Variants in ZNF398 observed in about 807,000 individuals in gnomAD.
ZNF398 encodes the protein zinc finger protein 398, also known as zinc finger DNA binding protein ZER6.
ZNF398 carries 18 observed loss-of-function variants against 41.9 expected under a neutral mutation model. That is an observed-to-expected ratio of 0.43 (90% CI 0.30 to 0.64). ZNF398 has a LOEUF of 0.64. ZNF398 is among the 30% of genes least tolerant of loss of function. The pLI is 0.14. For missense variants in ZNF398, 669 were observed against 822.8 expected, an observed-to-expected ratio of 0.81 and a Z score of 2.29; for synonymous variants, 260 against 308.8, an observed-to-expected ratio of 0.84 and a Z score of 1.66.
chr7:149,144,852 G>T (rs1826900858), upstream of ZNF398, among the ~76,000 whole-genome samples: 14 of 152,256 alleles, frequency 9.2e-5, no homozygotes, highest in South Asian at 2.9e-3. Flanking sequence ...GCCTCCCAAA[G>T]TGCTGGGATT....
At chr7:149,164,680 A>G (rs909144111) in intron 2 of ZNF398, among the ~76,000 whole-genome samples, 1 of 152,248 alleles carries the variant, frequency 6.6e-6, no homozygotes, top group Non-Finnish European at 1.5e-5. Flanking sequence ...CCAAGGAAGA[A>G]GGTTGTAAAA....
chr7:149,170,262 C>T (rs981162881), intron 4 of ZNF398, among the ~76,000 whole-genome samples: 1 of 152,184 alleles, frequency 6.6e-6, no homozygotes, highest in African/African-American at 2.4e-5. Flanking sequence ...CGTGAACTCA[C>T]ACAAACTAGA....
chr7:149,149,802 C>T (rs1048909493), intron 1 of ZNF398, among the ~76,000 whole-genome samples: 1 of 152,092 alleles, frequency 6.6e-6, no homozygotes, highest in Non-Finnish European at 1.5e-5. Flanking sequence ...CCTGCCACTG[C>T]CCTCCAACCT....
intron 1 of ZNF398, among the ~76,000 whole-genome samples, chr7:149,152,604 T>C (rs1236010354): frequency 3.3e-5 from 5 of 151,176 alleles, no homozygotes; most frequent in Admixed American, 6.6e-5. Flanking sequence ...TTTGCTCTTA[T>C]TGCCCAGGCT....
In ZNF398 at chr7:149,154,119, C is replaced by T. The variant is rs149149814; in HGVS notation, c.199C>T (p.Leu67=). The T allele has an allele frequency of 2.5e-5, 40 of 1,613,902 alleles. No individual in the cohort carries two copies. In the African/African-American group the frequency reaches 3.7e-4, roughly 15 times the overall value. The part of the protein sequence containing the change: ...VEIHSRRLLH[L]EGRTGTAEKK... ...GATCCACAGCCGGCGACTCCTACAC[C>T]TGGAAGGTCGGACAGGGACAGCAGA... Residue 67 remains leucine, a synonymous_variant, in exon 2 of 6, where the codon CTG becomes TTG. Coordinates refer to ENST00000475153, the MANE Select transcript of ZNF398 (RefSeq NM_170686.3).
At chr7:149,165,396 T>C (rs1795206259) in intron 2 of ZNF398, among the ~76,000 whole-genome samples, 1 of 152,180 alleles carries the variant, frequency 6.6e-6, no homozygotes, top group Admixed American at 6.6e-5. Context: ...AAAGAGAAAT[T>C]GCAGTGAGCT....
intron 2 of ZNF398, among the ~76,000 whole-genome samples, chr7:149,141,447 C>CTTTTTTTTTTTTTTTTTTTTTT (rs35331670): frequency 8.6e-6 from 1 of 116,816 alleles, no homozygotes; most frequent in Non-Finnish European, 1.7e-5. Flanking sequence ...AGCTACTTTT[C>CTTTTTTTTTTTTTTTTTTTTTT]TTTTTTTTCT....
chr7:149,179,285 G>C lies in ZNF398; in HGVS notation c.1413G>C (p.Leu471=), dbSNP rs762764897. ...GCTTCAGCTTGAAAATCAGCCTCCT[G>C]CTCCACCAGCGGGGTCATGCACAAG... is the stretch of plus-strand genomic sequence containing the variant. ...GRSFSLKISL[L]LHQRGHAQER... Residue 471 remains leucine (L), a synonymous_variant, in exon 6 of 6, where the codon CTG becomes CTC. Coordinates refer to ENST00000475153, the MANE Select transcript of ZNF398 (RefSeq NM_170686.3). The surrounding 1 kb of genome is among the most constrained non-coding windows in gnomAD (Gnocchi z 6.1). 2 of 1,613,118 alleles carry C rather than the reference G, an allele frequency of 1.2e-6. No homozygotes were observed. The highest frequency in any genetic ancestry group is 1.7e-6 in the Non-Finnish European group (2 of 1,179,976).
chr7:149,146,302 T>C (rs1321755771), upstream of ZNF398, among the ~76,000 whole-genome samples: 2 of 152,096 alleles, frequency 1.3e-5, no homozygotes, highest in African/African-American at 4.8e-5. Flanking sequence ...TCTCTGCTGC[T>C]CTCAGGAATT....
At chr7:149,162,175 C>A (rs1383759430) in intron 2 of ZNF398, among the ~76,000 whole-genome samples, 1 of 151,886 alleles carries the variant, frequency 6.6e-6, no homozygotes, top group African/African-American at 2.4e-5. Flanking sequence ...GTGTGCATTA[C>A]CACAGCTGGT....
chr7:149,178,948 C>T lies in ZNF398; in HGVS notation c.1076C>T (p.Thr359Ile). The change falls in exon 6 of 6, where the codon ACC becomes ATC. Residue 359 changes from threonine to isoleucine, a missense_variant. Physicochemically the swap from Thr to Ile is moderately conservative, Grantham distance 89. Around this residue, in one of 3 missense-constraint regions of ZNF398, gnomAD observed 290 missense variants for 292.9 expected, o/e 0.99. Transcript: ENST00000475153. Reference sequence around the variant, plus strand: ...AATCTCAGCCAAGACATGTTGCTGACCCACCAATGTAGCCATGCTACTGAG... The same window carrying T: ...AATCTCAGCCAAGACATGTTGCTGATCCACCAATGTAGCCATGCTACTGAG... ...GKNLSQDMLLTHQCSHATEHP... is the reference protein window; with the variant it reads ...GKNLSQDMLLIHQCSHATEHP... The T allele has an allele frequency of 6.2e-7, 1 of 1,614,170 alleles. No individual in the cohort carries two copies. The highest frequency in any genetic ancestry group is 8.5e-7 in the Non-Finnish European group (1 of 1,180,024).
At chr7:149,131,222 T>G (rs1826588323) in intron 2 of ZNF398, among the ~76,000 whole-genome samples, 1 of 152,238 alleles carries the variant, frequency 6.6e-6, no homozygotes, top group African/African-American at 2.4e-5. Flanking sequence ...AGTTTTTATT[T>G]GGATTTCCCT....
chr7:149,170,271 G>A (rs918989391), intron 4 of ZNF398, among the ~76,000 whole-genome samples: 4 of 152,182 alleles, frequency 2.6e-5, no homozygotes, highest in Admixed American at 1.3e-4. Flanking sequence ...ACACAAACTA[G>A]ATGATGTAGC....
intron 5 of ZNF398, among the ~76,000 whole-genome samples, chr7:149,177,118 G>GT (rs60380021): frequency 5.3e-4 from 68 of 129,006 alleles, no homozygotes; most frequent in South Asian, 9.3e-4. Flanking sequence ...AATGCATTCT[G>GT]TTTTTTTTTT....
At chr7:149,138,652 T>C (rs1365533886) in intron 2 of ZNF398, among the ~76,000 whole-genome samples, 1 of 129,934 alleles carries the variant, frequency 7.7e-6, no homozygotes, top group Non-Finnish European at 1.7e-5. Context: ...ATAAATATTG[T>C]GTGTGTGTAT....
At chr7:149,140,000 G>A (rs866725670) in intron 2 of ZNF398, among the ~76,000 whole-genome samples, 112 of 151,298 alleles carry the variant, frequency 7.4e-4, no homozygotes, top group African/African-American at 2.4e-3. Flanking sequence ...CCATCTCAAA[G>A]AAAAAAATAA....
chr7:149,145,055 C>G (rs980432376), upstream of ZNF398, among the ~76,000 whole-genome samples: 4 of 151,976 alleles, frequency 2.6e-5, no homozygotes, highest in Admixed American at 1.3e-4. Context: ...AGGTAAATCC[C>G]AAATTACGGA....
chr7:149,178,426 G>A (rs376511336), intron 5 of ZNF398, among the ~76,000 whole-genome samples: 26 of 152,314 alleles, frequency 1.7e-4, no homozygotes, highest in African/African-American at 6.0e-4. Context: ...GTACTCCATC[G>A]TGGGCAACAG....
chr7:149,155,707 A>ATATTT (rs1794954712), intron 2 of ZNF398, among the ~76,000 whole-genome samples: 2 of 73,578 alleles, frequency 2.7e-5, no homozygotes, highest in Admixed American at 1.7e-4. Context: ...ATATATATAT[A>ATATTT]TTTTTTTTTT....
Sources: gnomAD v4.1 joint callset for allele counts (sites outside exome capture counted in the v4.1 genomes callset) on GRCh38, gnomAD v4.1.1 for gene constraint, gnomAD v4.1.1 regional missense constraint, Gnocchi (gnomAD v3.1) non-coding constraint, MANE v1.5 for transcripts, NCBI Gene and HGNC (gene_info 2026-07-23, HGNC 2026-07-21) for gene names.